NBAS: variants seen among roughly 807,000 people sequenced by gnomAD.
NBAS encodes the protein NBAS subunit of NRZ tethering complex.
A neutral mutation model predicts 302.5 loss-of-function variants in NBAS; 219 were observed. The ratio of observed to expected loss-of-function variants is 0.72; its 90% CI spans 0.65 to 0.81. The LOEUF (loss-of-function observed/expected upper bound fraction) is 0.81, where lower values mean the gene tolerates loss of function less well. Among genes scored for constraint, NBAS ranks in the 30% least tolerant of loss-of-function variants. The probability of loss-of-function intolerance (pLI) is 0.00; values close to 1 mark genes in which losing one functional copy is unlikely to be tolerated. For missense variants in NBAS, 2,932 were observed against 2,841.6 expected, an observed-to-expected ratio of 1.03 and a Z score of -0.72; for synonymous variants, 1,118 against 1,021.6, an observed-to-expected ratio of 1.09 and a Z score of -1.80.
intron 12 of NBAS, among the ~76,000 whole-genome samples, chr2:15,485,668 C>G (rs1201390336): frequency 6.6e-6 from 1 of 152,182 alleles, no homozygotes. Context: ...TCCTATTAAG[C>G]TATACAAGTA....
intron 21 of NBAS, among the ~76,000 whole-genome samples, chr2:15,459,890 A>T (rs1040523731): frequency 3.9e-5 from 6 of 152,182 alleles, no homozygotes; most frequent in Non-Finnish European, 7.3e-5. Flanking sequence ...AACTTAAAGT[A>T]AATACGGGTT....
At chr2:15,101,916 C>T in the NBAS span, among the ~76,000 whole-genome samples, 1 of 152,336 alleles carries the variant, frequency 6.6e-6, no homozygotes, top group South Asian at 2.1e-4. Flanking sequence ...ATCATAAGGG[C>T]AGATCCTCTG....
At chr2:15,234,173 C>T (rs1667492204) in intron 46 of NBAS, among the ~76,000 whole-genome samples, 1 of 152,142 alleles carries the variant, frequency 6.6e-6, no homozygotes, top group Non-Finnish European at 1.5e-5. Flanking sequence ...AACCATTTTC[C>T]CACTACTACA....
the NBAS span, among the ~76,000 whole-genome samples, chr2:14,916,190 G>T: frequency 3.7e-4 from 56 of 151,866 alleles, no homozygotes; most frequent in Non-Finnish European, 4.1e-4. Flanking sequence ...AATGTGTTTC[G>T]TCTCTGCTGC....
At chr2:15,338,809 A>C (rs1320127204) in intron 35 of NBAS, among the ~76,000 whole-genome samples, 1 of 152,118 alleles carries the variant, frequency 6.6e-6, no homozygotes, top group Non-Finnish European at 1.5e-5. Context: ...CAGGAGTTCG[A>C]GACCAGCCTG....
At chr2:15,204,770 A>G (rs1190906500) in intron 48 of NBAS, among the ~76,000 whole-genome samples, 1 of 152,190 alleles carries the variant, frequency 6.6e-6, no homozygotes, top group East Asian at 1.9e-4. Context: ...CAGAAAACCA[A>G]ACACCGCGTG....
At chr2:15,394,191 T>G in intron 28 of NBAS, 36 bp downstream of exon 28, 1 of 1,540,358 alleles carries the variant, frequency 6.5e-7, no homozygotes, top group Non-Finnish European at 8.8e-7. Context: ...TATTTAAAAT[T>G]AATTGACCCA....
chr2:15,473,545 G>A (rs1427974985), intron 15 of NBAS, among the ~76,000 whole-genome samples, 198 bp from the exon 16 acceptor site: 1 of 152,216 alleles, frequency 6.6e-6, no homozygotes, highest in Non-Finnish European at 1.5e-5. Flanking sequence ...TCAACAGAAA[G>A]ATGAGAGATA....
chr2:15,387,766 G>A (rs901926124), intron 28 of NBAS, among the ~76,000 whole-genome samples: 1 of 151,930 alleles, frequency 6.6e-6, no homozygotes, highest in African/African-American at 2.4e-5. Flanking sequence ...CTAGTAGCTG[G>A]GACTACAAGC....
At chr2:15,529,279 T>C (rs150016535) in intron 9 of NBAS, among the ~76,000 whole-genome samples, 98 of 152,126 alleles carry the variant, frequency 6.4e-4, no homozygotes, top group Non-Finnish European at 1.1e-3. Context: ...GCAGGTAGAT[T>C]GCTTGAGCTC....
At chr2:15,370,067 G>C (rs1674410783) in intron 31 of NBAS, among the ~76,000 whole-genome samples, 1 of 152,202 alleles carries the variant, frequency 6.6e-6, no homozygotes, top group Admixed American at 6.5e-5. Context: ...CCAGTAGGAG[G>C]ACAAGTAAGA....
chr2:15,144,061 ATATATATC>A, the NBAS span, among the ~76,000 whole-genome samples: 768 of 136,666 alleles, frequency 5.6e-3, 23 homozygotes, highest in East Asian at 0.027. Context: ...ATATATATAT[ATATATATC>A]TCCCATTAGT....
At chr2:15,254,880 T>A (rs1668520489) in intron 44 of NBAS, among the ~76,000 whole-genome samples, 1 of 152,144 alleles carries the variant, frequency 6.6e-6, no homozygotes, top group African/African-American at 2.4e-5. Flanking sequence ...CATTTCTTTT[T>A]ATGGCTGAGT....
the NBAS span, among the ~76,000 whole-genome samples, chr2:15,151,933 C>T: frequency 5.9e-5 from 9 of 152,214 alleles, no homozygotes; most frequent in South Asian, 2.1e-4. Flanking sequence ...CTGCAACCTC[C>T]GCCTCCTGGG....
chr2:14,817,502 T>A, the NBAS span, among the ~76,000 whole-genome samples: 4 of 152,342 alleles, frequency 2.6e-5, no homozygotes, highest in South Asian at 6.2e-4. Context: ...GGCTCCCCAT[T>A]GCTTTATGTG....
intron 9 of NBAS, among the ~76,000 whole-genome samples, chr2:15,529,836 A>AAG (rs1317117576): frequency 1.3e-5 from 2 of 152,248 alleles, no homozygotes; most frequent in African/African-American, 4.8e-5. Flanking sequence ...GTCTTTATAT[A>AAG]AGAATTTGAC....
chr2:15,539,286 G>A lies in NBAS; in HGVS notation c.450C>T (p.Ala150=), dbSNP rs147692911. 7.6e-4 allele frequency: 1,219 copies of A among 1,614,110 alleles called. No homozygotes were observed. Among genetic ancestry groups the A allele is most frequent in the Non-Finnish European group, 9.4e-4 (1,114 of 1,180,020 alleles). The change falls in exon 7 of 52, where the codon GCC becomes GCT. Residue 150 remains alanine, a synonymous_variant. Coordinates refer to ENST00000281513, the MANE Select transcript of NBAS (RefSeq NM_015909.4). ...WSYDCTLLAY[A]ESTGTVRVFD... ...ACACCCTCACAGTTCCTGTGCTTTC[G>A]GCATAGGCCAGTAGGGTACAATCGT... is the stretch of plus-strand genomic sequence containing the variant.
chr2:15,387,313 C>T (rs866204628), intron 28 of NBAS, among the ~76,000 whole-genome samples: 5 of 152,132 alleles, frequency 3.3e-5, no homozygotes, highest in South Asian at 2.1e-4. Flanking sequence ...GTGATCCGCC[C>T]GCCTCGGCCT....
At chr2:15,220,310 T>C (rs1558449409) in intron 47 of NBAS, among the ~76,000 whole-genome samples, 1 of 152,210 alleles carries the variant, frequency 6.6e-6, no homozygotes, top group Non-Finnish European at 1.5e-5. Flanking sequence ...GATTACTTGC[T>C]GACAATAATT....
Sources: gnomAD v4.1 joint callset for allele counts (sites outside exome capture counted in the v4.1 genomes callset) on GRCh38, gnomAD v4.1.1 for gene constraint, MANE v1.5 for transcripts, NCBI Gene and HGNC (gene_info 2026-07-23, HGNC 2026-07-21) for gene names.